AGPS: variants seen among roughly 807,000 people sequenced by gnomAD.
The protein encoded by AGPS is alkyldihydroxyacetonephosphate synthase, peroxisomal.
Under a neutral mutation model 90.7 loss-of-function variants are expected in AGPS, and 26 were observed. The observed-to-expected ratio is 0.29, with a 90% CI of 0.21 to 0.40. AGPS has a LOEUF of 0.40. Ranked by LOEUF, AGPS falls within the 10% of genes least tolerant of loss-of-function variation. The pLI, the probability that AGPS is intolerant of heterozygous loss-of-function variation, is 1.00. For missense variants in AGPS, 540 were observed against 816.1 expected (o/e 0.66, Z 4.12); for synonymous variants, 294 against 285.3 (o/e 1.03, Z -0.31).
chr2:177,507,889 A>G, intron 15 of AGPS, 81 bp from the exon 16 acceptor site: 1 of 983,362 alleles, frequency 1.0e-6, no homozygotes, highest in South Asian at 1.3e-5. Context: ...GATACTAACA[A>G]TGAATATGAA....
rs535128597 is a variant in AGPS, at chr2:177,403,436, A to G, written c.260+10387A>G. ...AGGGTAGGAAAATCTGGGCAATGTA[A>G]TAAAGTTTATAAAACTGGTGTGGCA... On this transcript the variant is annotated intron_variant, in intron 1 of 19. Transcript: ENST00000264167. Among the ~76,000 whole-genome samples the G allele has an allele frequency of 2.6e-3, 390 of 152,344 alleles. 4 individuals carry two copies. The highest frequency in any genetic ancestry group is 9.0e-3 in the African/African-American group (373 of 41,588).
chr2:177,397,681 T>C (rs759292486), intron 1 of AGPS, among the ~76,000 whole-genome samples: 10 of 152,208 alleles, frequency 6.6e-5, no homozygotes, highest in Non-Finnish European at 1.3e-4. Flanking sequence ...ACGCCACTAA[T>C]TGTTTAGTCT....
intron 13 of AGPS, 67 bp from the exon 14 acceptor site, chr2:177,499,551 T>C: frequency 9.2e-7 from 1 of 1,091,576 alleles, no homozygotes; most frequent in Non-Finnish European, 1.4e-6. Context: ...AAGAGCAAAA[T>C]GTATTTTGAT....
At chr2:177,536,724 T>TC (rs1232981306) in intron 19 of AGPS, among the ~76,000 whole-genome samples, 7 of 152,060 alleles carry the variant, frequency 4.6e-5, no homozygotes, top group African/African-American at 1.7e-4. Flanking sequence ...GAACTTCATT[T>TC]CCCCCCGTCT....
chr2:177,520,139 C>T (rs141396551), intron 17 of AGPS, among the ~76,000 whole-genome samples: 60 of 152,324 alleles, frequency 3.9e-4, no homozygotes, highest in African/African-American at 1.4e-3. Flanking sequence ...TCTGTTTTAT[C>T]AGCAAGGTCT....
intron 11 of AGPS, 131 bp from the exon 12 acceptor site, chr2:177,493,017 T>C (rs1688312586): frequency 1.3e-6 from 1 of 794,448 alleles, no homozygotes; most frequent in South Asian, 1.7e-5. Flanking sequence ...AAGTTAACTT[T>C]TTTTCCTCTG....
chr2:177,471,494 C>T (rs1366555628), intron 10 of AGPS, among the ~76,000 whole-genome samples: 1 of 152,078 alleles, frequency 6.6e-6, no homozygotes, highest in African/African-American at 2.4e-5. Context: ...AATATTCAAG[C>T]ATTTGAAATG....
chr2:177,421,223 C>G (rs1685930806), intron 2 of AGPS, among the ~76,000 whole-genome samples: 1 of 151,624 alleles, frequency 6.6e-6, no homozygotes, highest in South Asian at 2.1e-4. Context: ...AATGCTGGAA[C>G]CAAAAATAAA....
rs1181894517 is a variant in AGPS, at chr2:177,505,025, T to G, written c.1476-481T>G. Among the ~76,000 whole-genome samples, 6 of 152,018 alleles carry G rather than the reference T, an allele frequency of 3.9e-5. No homozygotes were observed. The East Asian group carries it at 9.6e-4, about 24-fold the overall frequency. On this transcript the variant is annotated intron_variant, in intron 14 of 19. Coordinates refer to ENST00000264167, the MANE Select transcript of AGPS (RefSeq NM_003659.4). ...TTGTGTTTGTTTATACATTGCTTTA[T>G]AAAATATTTCTATGTAAGTATGTTT...
intron 1 of AGPS, among the ~76,000 whole-genome samples, chr2:177,409,315 C>G (rs1048822752): frequency 6.6e-6 from 1 of 152,036 alleles, no homozygotes; most frequent in Non-Finnish European, 1.5e-5. Flanking sequence ...TTGCCACTCC[C>G]GGCAAGAATG....
intron 1 of AGPS, 134 bp downstream of exon 1, chr2:177,393,183 C>G (rs927587124): frequency 3.2e-6 from 5 of 1,544,700 alleles, no homozygotes; most frequent in Non-Finnish European, 4.4e-6. Context: ...AAGTAGGGAC[C>G]CACCTCTCTT....
At chr2:177,404,307 G>A (rs1046793405) in intron 1 of AGPS, among the ~76,000 whole-genome samples, 1 of 152,046 alleles carries the variant, frequency 6.6e-6, no homozygotes, top group Non-Finnish European at 1.5e-5. Flanking sequence ...GAGCTAAGAC[G>A]ACTGGCCTAG....
rs986839110 is a variant in AGPS at position 177,445,020 on chromosome 2, C to A, written c.790-526C>A. Among the ~76,000 whole-genome samples, 2 of 152,116 alleles carry A rather than the reference C, an allele frequency of 1.3e-5. 1 individual carries two copies. Among genetic ancestry groups the A allele is most frequent in the Admixed American group, 1.3e-4 (2 of 15,282 alleles). On this transcript the variant is annotated intron_variant, in intron 7 of 19. Transcript: ENST00000264167. ...TTGAATTAAAAATAAAGTAGGGATG[C>A]CATCTGCTATATTCAAATGTCCTTG...
chr2:177,426,726 T>A (rs1480691844), intron 2 of AGPS, among the ~76,000 whole-genome samples: 2 of 152,042 alleles, frequency 1.3e-5, no homozygotes, highest in Admixed American at 1.3e-4. Flanking sequence ...CAACCTTGAT[T>A]GTGGTGGATA....
At position 177,542,172 on chromosome 2, in the gene AGPS, T is replaced by G. The variant is rs886055194; in HGVS notation, c.*3977T>G. 4.6e-5 allele frequency: 7 copies of G among 152,328 alleles called. No homozygotes were observed. The highest frequency in any genetic ancestry group is 3.4e-3 in the Middle Eastern group (1 of 294). The allele number at this position is 152,328 out of a possible 1,614,324, so 9.4% of individuals were successfully genotyped here. On this transcript the variant is annotated 3_prime_UTR_variant, in exon 20 of 20. Transcript: ENST00000264167. ...CACAAAATTTATTTTTATAATTTTG[T>G]TGCTTGTAGCATAATCAAGTGCAAA... is the stretch of plus-strand genomic sequence containing the variant.
At chr2:177,431,289 C>T (rs1416983000) in intron 2 of AGPS, among the ~76,000 whole-genome samples, 1 of 152,086 alleles carries the variant, frequency 6.6e-6, no homozygotes, top group African/African-American at 2.4e-5. Flanking sequence ...AGATCACATG[C>T]TTCAAAGGGC....
intron 19 of AGPS, among the ~76,000 whole-genome samples, chr2:177,534,508 A>G (rs1006224684): frequency 6.6e-6 from 1 of 151,808 alleles, no homozygotes; most frequent in Non-Finnish European, 1.5e-5. Flanking sequence ...AAATTGTAAA[A>G]CAGTGAACTC....
At chr2:177,476,750 A>G (rs898829335) in intron 10 of AGPS, among the ~76,000 whole-genome samples, 4 of 152,078 alleles carry the variant, frequency 2.6e-5, no homozygotes, top group Non-Finnish European at 5.9e-5. Context: ...TATAGAAAGT[A>G]AGGCATTGAA....
chr2:177,496,087 A>G (rs1264673135), intron 12 of AGPS, among the ~76,000 whole-genome samples: 1 of 152,174 alleles, frequency 6.6e-6, no homozygotes, highest in Non-Finnish European at 1.5e-5. Context: ...TTTATTCTTC[A>G]AAGCTATCAT....
Sources: allele counts gnomAD v4.1 joint callset (sites outside exome capture counted in the v4.1 genomes callset), GRCh38; gene constraint gnomAD v4.1.1; transcripts MANE v1.5; gene names NCBI Gene and HGNC (gene_info 2026-07-23, HGNC 2026-07-21).